ZFP82: variants seen among roughly 807,000 people sequenced by gnomAD.
ZFP82 encodes zinc finger protein 82 homolog.
Under a neutral mutation model 54.0 loss-of-function variants are expected in ZFP82, and 30 were observed. That is an observed-to-expected ratio of 0.56 (90% confidence interval 0.42 to 0.75). The LOEUF (loss-of-function observed/expected upper bound fraction) is 0.75, where lower values mean the gene tolerates loss of function less well. Ranked by LOEUF, ZFP82 falls within the 30% of genes least tolerant of loss-of-function variation. The probability of loss-of-function intolerance (pLI) is 0.00; values close to 1 mark genes in which losing one functional copy is unlikely to be tolerated. For synonymous variants in ZFP82, 194 were observed against 209.5 expected (o/e 0.93, Z 0.64); for missense variants, 500 against 636.8 (o/e 0.79, Z 2.31).
intron 4 of ZFP82, chr19:36,395,625 A>G (rs1600099470): frequency 6.6e-6 from 1 of 152,194 alleles, no homozygotes; most frequent in African/African-American, 2.4e-5. Context: ...AAAATCTACA[A>G]GCTGAATGAG....
Position 36,389,010 on chromosome 19 carries a change from A to G in ZFP82, c.*3731T>C, listed in dbSNP as rs2032149567. On this transcript the variant is annotated 3_prime_UTR_variant, in exon 5 of 5. Coordinates refer to ENST00000392161, the MANE Select transcript of ZFP82 (RefSeq NM_133466.4). ...AGGCAACATGTGATCATTCATCACT[A>G]AATAGTCTACAATTTCAGACTTGAT... Among the ~76,000 whole-genome samples, 1 of 151,676 alleles carries G rather than the reference A, an allele frequency of 6.6e-6. No homozygotes were observed. Among genetic ancestry groups the G allele is most frequent in the Admixed American group, 6.6e-5 (1 of 15,176 alleles).
chr19:36,401,111 T>TGTTGTCCCTCTTTCCCTCTTTC (rs2032377368), intron 4 of ZFP82, among the ~76,000 whole-genome samples: 1 of 151,786 alleles, frequency 6.6e-6, no homozygotes, highest in African/African-American at 2.4e-5. Context: ...TTATCTCTTT[T>TGTTGTCCCTCTTTCCCTCTTTC]GTTGTCCCTC....
chr19:36,417,446 G>T (rs1345548833), intron 1 of ZFP82, among the ~76,000 whole-genome samples: 2 of 152,166 alleles, frequency 1.3e-5, no homozygotes, highest in Non-Finnish European at 2.9e-5. Flanking sequence ...ATATTCTCAT[G>T]TCCTAAGAAA....
At position 36,417,072 on chromosome 19, in the gene ZFP82, C is replaced by CA. The variant is rs140495874; in HGVS notation, c.-79+1419dup. ...TGGGTGACAGAGCAAGACCCTGTCT[C>CA]AAAAAAAAAAAAAAAAAAAAAAAAA... On this transcript the variant is annotated intron_variant, in intron 1 of 4. Coordinates refer to ENST00000392161, the MANE Select transcript of ZFP82 (RefSeq NM_133466.4). Among the ~76,000 whole-genome samples the CA allele has an allele frequency of 7.5e-3, 489 of 65,620 alleles. 28 individuals carry two copies. Among genetic ancestry groups the CA allele is most frequent in the Middle Eastern group, 0.023 (2 of 86 alleles). The allele number at this position is 65,620 out of a possible 152,430, so 43.0% of individuals were successfully genotyped here.
At chr19:36,415,139 C>A (rs935030012) in intron 1 of ZFP82, among the ~76,000 whole-genome samples, 1 of 152,134 alleles carries the variant, frequency 6.6e-6, no homozygotes, top group African/African-American at 2.4e-5. Context: ...CTTTTTCAAA[C>A]AAAGTGTTGC....
Position 36,393,380 on chromosome 19 carries a change from C to T in ZFP82, c.960G>A (p.Leu320=). 1 of 1,613,772 alleles carries T rather than the reference C, an allele frequency of 6.2e-7. No individual in the cohort carries two copies. Among genetic ancestry groups the T allele is most frequent in the Non-Finnish European group, 8.5e-7 (1 of 1,179,938 alleles). Residue 320 remains leucine (L), a synonymous_variant, in exon 5 of 5, where the codon TTG becomes TTA. Transcript: ENST00000392161. Reference sequence around the variant, plus strand: ...GATGTACTCTAAGACCAGAGCCACACAAAAAGGCCTTCCCACATTCTTTGC... The same window carrying T: ...GATGTACTCTAAGACCAGAGCCACATAAAAAGGCCTTCCCACATTCTTTGC... The part of the protein sequence containing the change: ...YECKECGKAF[L]CGSGLRVHHK...
At chr19:36,410,447 G>GTGTGTGTGTGTGTGTGTGTT (rs1228786569) in intron 1 of ZFP82, among the ~76,000 whole-genome samples, 1,699 of 151,296 alleles carry the variant, frequency 0.011, 30 homozygotes, top group East Asian at 0.084. Context: ...GTGTGTGTGT[G>GTGTGTGTGTGTGTGTGTGTT]TGTATATGTG....
intron 1 of ZFP82, among the ~76,000 whole-genome samples, 182 bp from the exon 2 acceptor site, chr19:36,410,049 A>C (rs145346088): frequency 6.6e-6 from 1 of 152,126 alleles, no homozygotes; most frequent in African/African-American, 2.4e-5. Flanking sequence ...GGACGAGTCT[A>C]ATCCCTTGCT....
downstream of ZFP82, chr19:36,384,528 C>A (rs886263409): frequency 2.6e-5 from 4 of 152,126 alleles, no homozygotes; most frequent in Non-Finnish European, 5.9e-5. Flanking sequence ...AATAAAACTC[C>A]ATTTTCTTTC....
intron 3 of ZFP82, among the ~76,000 whole-genome samples, chr19:36,407,259 G>A (rs2145594226): frequency 6.6e-6 from 1 of 151,182 alleles, no homozygotes; most frequent in Admixed American, 6.6e-5. Flanking sequence ...TGTATTTTTA[G>A]TAGAGACGGG....
At chr19:36,407,743 C>A (rs2032509231) in intron 3 of ZFP82, 144 bp downstream of exon 3, 7 of 808,552 alleles carry the variant, frequency 8.7e-6, no homozygotes, top group Non-Finnish European at 1.3e-5. Flanking sequence ...TGCTCACTTC[C>A]AATGAAATAA....
intron 4 of ZFP82, among the ~76,000 whole-genome samples, chr19:36,402,465 T>G (rs1324152884): frequency 7.2e-5 from 1 of 13,968 alleles, no homozygotes; most frequent in African/African-American, 4.9e-4. Context: ...CGAGACTCCA[T>G]CTCAAAAAAA....
At chr19:36,415,370 G>C (rs1208944496) in intron 1 of ZFP82, among the ~76,000 whole-genome samples, 10 of 151,980 alleles carry the variant, frequency 6.6e-5, no homozygotes, top group Non-Finnish European at 1.2e-4. Flanking sequence ...ACTAAATATA[G>C]TTGGCAGCTT....
intron 1 of ZFP82, among the ~76,000 whole-genome samples, chr19:36,410,158 A>C (rs1426220279): frequency 2.6e-5 from 4 of 152,120 alleles, no homozygotes; most frequent in Admixed American, 2.6e-4. Context: ...AAAGAGAGAA[A>C]TTCATAAAGA....
chr19:36,407,371 C>T (rs1007209433), intron 3 of ZFP82, among the ~76,000 whole-genome samples: 6 of 152,076 alleles, frequency 3.9e-5, no homozygotes, highest in Admixed American at 1.3e-4. Context: ...CCACCGCGCC[C>T]GGCCAGATTT....
rs774825398 is a variant in ZFP82 at position 36,389,222 on chromosome 19, G to A, written c.*3519C>T. Among the ~76,000 whole-genome samples, 31 of 152,092 alleles carry A rather than the reference G, an allele frequency of 2.0e-4. No homozygotes were observed. Among genetic ancestry groups the A allele is most frequent in the South Asian group, 8.3e-4 (4 of 4,816 alleles). ...CCAGCTAATTTTTGTATTTTTAGTA[G>A]AGACAGAGTTTCACCATGTTGGCCA... On this transcript the variant is annotated 3_prime_UTR_variant, in exon 5 of 5. Transcript: ENST00000392161.
chr19:36,386,908 C>T (rs543483423), downstream of ZFP82, among the ~76,000 whole-genome samples: 1 of 152,354 alleles, frequency 6.6e-6, no homozygotes, highest in African/African-American at 2.4e-5. Flanking sequence ...GCACTCCAGC[C>T]TGGGTGACAG....
intron 4 of ZFP82, among the ~76,000 whole-genome samples, chr19:36,398,057 A>G (rs918712639): frequency 5.9e-5 from 9 of 152,244 alleles, no homozygotes; most frequent in Non-Finnish European, 1.2e-4. Context: ...TTTAAGCTTT[A>G]AAGACAGGCT....
At position 36,417,072 on chromosome 19, in the gene ZFP82, CAAAAAAAAAAAAAA is replaced by C. The variant is rs140495874; in HGVS notation, c.-79+1406_-79+1419del. Among the ~76,000 whole-genome samples, 30 of 65,664 alleles carry C rather than the reference CAAAAAAAAAAAAAA, an allele frequency of 4.6e-4. No individual in the cohort carries two copies. The South Asian group carries it at 0.02, about 45-fold the overall frequency. The allele number at this position is 65,664 out of a possible 152,430, so 43.1% of individuals were successfully genotyped here. A position where few individuals can be genotyped will look rare whatever the true frequency, so the allele number is the denominator to read the frequency against. On this transcript the variant is annotated intron_variant, in intron 1 of 4. Transcript: ENST00000392161. Reference sequence around the variant, plus strand: ...TGGGTGACAGAGCAAGACCCTGTCTCAAAAAAAAAAAAAAAAAAAAAAAAAAAGAATTCCTGTTT... The same window carrying C: ...TGGGTGACAGAGCAAGACCCTGTCTCAAAAAAAAAAAAAGAATTCCTGTTT...
Sources: gnomAD v4.1 joint callset for allele counts (sites outside exome capture counted in the v4.1 genomes callset) on GRCh38, gnomAD v4.1.1 for gene constraint, MANE v1.5 for transcripts, NCBI Gene and HGNC (gene_info 2026-07-23, HGNC 2026-07-21) for gene names.